Variants in SMG5 observed in about 807,000 individuals in gnomAD.
SMG5 encodes the protein nonsense-mediated mRNA decay factor SMG5.
A neutral mutation model predicts 122.9 loss-of-function variants in SMG5; 53 were observed. That is an observed-to-expected ratio of 0.43 (90% CI 0.35 to 0.54). The LOEUF (loss-of-function observed/expected upper bound fraction) is 0.54. SMG5 is among the 20% of genes least tolerant of loss of function. The probability of loss-of-function intolerance (pLI) is 0.01; values close to 1 mark genes in which losing one functional copy is unlikely to be tolerated. For missense variants in SMG5, 1,153 were observed against 1,285.6 expected, an observed-to-expected ratio of 0.90 and a Z score of 1.58; for synonymous variants, 477 against 490.2, an observed-to-expected ratio of 0.97 and a Z score of 0.35.
the SMG5 span, among the ~76,000 whole-genome samples, chr1:156,289,006 C>G: frequency 1.3e-5 from 2 of 152,230 alleles, no homozygotes; most frequent in East Asian, 3.8e-4. Flanking sequence ...TTGCTCAGGT[C>G]AGTCGGCAAT....
chr1:156,273,721 T>TA (rs1363772699), intron 5 of SMG5, among the ~76,000 whole-genome samples: 41 of 88,662 alleles, frequency 4.6e-4, no homozygotes, highest in African/African-American at 1.2e-3. Context: ...TTGTTTTCTT[T>TA]TTTTTTTTTT....
chr1:156,274,837 A>C (rs1035367480), intron 4 of SMG5, 151 bp from the exon 5 acceptor site: 4 of 630,012 alleles, frequency 6.3e-6, no homozygotes, highest in African/African-American at 3.7e-5. Context: ...TCCAGGACAC[A>C]GGGAGAGACA....
chr1:156,267,460 G>T lies in SMG5; in HGVS notation c.1117+10C>A. On this transcript the variant is annotated intron_variant, in intron 10 of 21. Transcript: ENST00000361813. ...AGTGGAAGAGAAAAGAGGAACATAG[G>T]GAAGGTTACCTGCTCTCTCCAAGCT... 6.2e-7 allele frequency: 1 copy of T among 1,613,358 alleles called. No individual in the cohort carries two copies. The highest frequency in any genetic ancestry group is 8.5e-7 in the Non-Finnish European group (1 of 1,179,352).
chr1:156,253,176 G>A, intron 17 of SMG5, 98 bp from the exon 18 acceptor site: 1 of 1,332,490 alleles, frequency 7.5e-7, no homozygotes, highest in Non-Finnish European at 1.0e-6. Context: ...GGCTCCTCCT[G>A]TTGTTAAGGG....
Position 156,266,023 on chromosome 1 carries a change from G to A in SMG5, c.1613C>T (p.Thr538Ile), listed in dbSNP as rs199926708. Residue 538 changes from threonine to isoleucine, a missense_variant, in exon 12 of 22, where the codon ACC (threonine) becomes ATC (isoleucine). By Grantham distance (89) the Thr-to-Ile change is moderately conservative (BLOSUM62 -1). This residue lies in a region of SMG5 where 631 missense variants were observed against 650.6 expected (regional missense o/e 0.97). Coordinates refer to ENST00000361813, the MANE Select transcript of SMG5 (RefSeq NM_015327.3). The part of the protein sequence containing the change: ...MEEEEGTRSP[T>I]LEPPRGRSEA... The stretch of plus-strand genomic sequence containing the variant: ...TGATCTGCCCCGAGGGGGCTCCAGG[G>A]TTGGTGACCGTGTCCCCTCCTCTTC... 625 of 1,614,244 alleles carry A rather than the reference G, an allele frequency of 3.9e-4. 8 individuals are homozygous for A. The South Asian group carries it at 4.6e-3, about 12-fold the overall frequency.
the SMG5 span, among the ~76,000 whole-genome samples, chr1:156,287,910 G>A: frequency 6.6e-6 from 1 of 151,696 alleles, no homozygotes; most frequent in Non-Finnish European, 1.5e-5. Context: ...GAGCCACTGC[G>A]CCTGGCCCTT....
At chr1:156,253,891 C>T in intron 16 of SMG5, 1 of 285,226 alleles carries the variant, frequency 3.5e-6, no homozygotes, top group South Asian at 3.7e-5. Flanking sequence ...CATCCACTTG[C>T]CAAAATCTTC....
intron 7 of SMG5, among the ~76,000 whole-genome samples, chr1:156,270,853 C>G (rs1662378964): frequency 6.6e-6 from 1 of 151,988 alleles, no homozygotes; most frequent in Non-Finnish European, 1.5e-5. Context: ...ACTAAAAATA[C>G]AAAATTAGCC....
chr1:156,279,880 C>T (rs1399732808), intron 1 of SMG5, among the ~76,000 whole-genome samples: 1 of 152,148 alleles, frequency 6.6e-6, no homozygotes, highest in Non-Finnish European at 1.5e-5. Context: ...AACCAGACCG[C>T]CTGGATTCAA....
At chr1:156,256,696 C>G (rs952707386) in intron 16 of SMG5, among the ~76,000 whole-genome samples, 1 of 152,020 alleles carries the variant, frequency 6.6e-6, no homozygotes, top group African/African-American at 2.4e-5. Flanking sequence ...TAGGCCTACG[C>G]GTTCCTCAGA....
At chr1:156,253,630 C>G in intron 16 of SMG5, 122 bp from the exon 17 acceptor site, 2 of 863,302 alleles carry the variant, frequency 2.3e-6, no homozygotes, top group Non-Finnish European at 3.9e-6. Context: ...CTCTCTAGCA[C>G]TGCTGCTGAA....
At position 156,253,088 on chromosome 1, in the gene SMG5, G is replaced by A. The variant is rs1330108125; in HGVS notation, c.2503-10C>T. The A allele has an allele frequency of 1.9e-6, 3 of 1,594,254 alleles. No individual in the cohort carries two copies. The South Asian group carries it at 3.4e-5, about 18-fold the overall frequency. ...GCTGAGACACTTCGAGCTGGTGAGA[G>A]AGGGCAAGGTGGGTACAGCTGTGGG... is the stretch of plus-strand genomic sequence containing the variant. On this transcript the variant is annotated splice_polypyrimidine_tract_variant and intron_variant, in intron 17 of 21. Transcript: ENST00000361813.
At chr1:156,291,303 T>C in the SMG5 span, 1 of 1,318,894 alleles carries the variant, frequency 7.6e-7, no homozygotes, top group African/African-American at 1.4e-5. Context: ...CTCCCCTATC[T>C]ACTCCCCCCA....
intron 18 of SMG5, 113 bp from the exon 19 acceptor site, chr1:156,252,617 C>A: frequency 9.0e-7 from 1 of 1,116,672 alleles, no homozygotes; most frequent in East Asian, 2.5e-5. Context: ...AGAGAAGGGA[C>A]CCTGGCTCCC....
At position 156,250,214 on chromosome 1, in the gene SMG5, G is replaced by C. The variant is rs1661283348; in HGVS notation, c.*373C>G. On this transcript the variant is annotated 3_prime_UTR_variant, in exon 22 of 22. Transcript: ENST00000361813. ...CCCAACCACCCTGCATCTTGGGTGAGGAAGAAGGGCCTCTTTTGCTGTTCC... is the reference window on the plus strand; with the variant it reads ...CCCAACCACCCTGCATCTTGGGTGACGAAGAAGGGCCTCTTTTGCTGTTCC... 2.8e-6 allele frequency: 1 copy of C among 351,856 alleles called. No homozygotes were observed. Among genetic ancestry groups the C allele is most frequent in the South Asian group, 2.3e-5 (1 of 42,830 alleles). 21.8% of individuals were successfully genotyped at this position (351,856 alleles called of 1,614,324 possible). A position where few individuals can be genotyped will look rare whatever the true frequency, so the allele number is the denominator to read the frequency against.
intron 7 of SMG5, among the ~76,000 whole-genome samples, chr1:156,271,563 G>A (rs12119005): frequency 0.29 from 39,849 of 139,386 alleles, 5,774 homozygotes; most frequent in Non-Finnish European, 0.3. Context: ...GTGCCCTGAA[G>A]AGGTTTTTTT....
chr1:156,259,059 A>G lies in SMG5; in HGVS notation c.2388T>C (p.Ile796=). Residue 796 remains isoleucine, a synonymous_variant, in exon 16 of 22, where the codon ATT becomes ATC. Coordinates refer to ENST00000361813, the MANE Select transcript of SMG5 (RefSeq NM_015327.3). ...FNPEVGIFVS[I]AQSEQESLLQ... The stretch of plus-strand genomic sequence containing the variant: ...GCAGGCTCTCCTGCTCAGACTGGGC[A>G]ATGCTGACGAAGATGCCAACCTCTG... The G allele has an allele frequency of 6.2e-7, 1 of 1,613,042 alleles. No homozygotes were observed. Among genetic ancestry groups the G allele is most frequent in the Non-Finnish European group, 8.5e-7 (1 of 1,179,658 alleles).
intron 10 of SMG5, among the ~76,000 whole-genome samples, chr1:156,267,205 T>C (rs148105813): frequency 6.6e-6 from 1 of 152,328 alleles, no homozygotes; most frequent in East Asian, 1.9e-4. Flanking sequence ...GACCCTTGTG[T>C]CTGCACAGGC....
At position 156,266,040 on chromosome 1, in the gene SMG5, C is replaced by T. The variant is rs750293630; in HGVS notation, c.1596G>A (p.Glu532=). ...GCTCCAGGGTTGGTGACCGTGTCCCCTCCTCTTCCTCCATATCTTCCAAGT... is the reference window on the plus strand; with the variant it reads ...GCTCCAGGGTTGGTGACCGTGTCCCTTCCTCTTCCTCCATATCTTCCAAGT... ...RSDLEDMEEE[E]GTRSPTLEPP... Residue 532 remains glutamate, a synonymous_variant, in exon 12 of 22, where the codon GAG becomes GAA. Transcript: ENST00000361813. 6 of 1,614,210 alleles carry T rather than the reference C, an allele frequency of 3.7e-6. No homozygotes were observed. In the Admixed American group the frequency reaches 1.0e-4, roughly 27 times the overall value.
Sources: gnomAD v4.1 joint callset for allele counts (sites outside exome capture counted in the v4.1 genomes callset) on GRCh38, gnomAD v4.1.1 for gene constraint, gnomAD v4.1.1 regional missense constraint, MANE v1.5 for transcripts, NCBI Gene and HGNC (gene_info 2026-07-23, HGNC 2026-07-21) for gene names.